UNKL: variants seen among roughly 807,000 people sequenced by gnomAD.
The protein encoded by UNKL is unk like zinc finger, also known as putative E3 ubiquitin-protein ligase UNKL.
In UNKL, 60 loss-of-function variants were observed where a neutral mutation model predicts 78.0. That is an observed-to-expected ratio of 0.77 (90% confidence interval 0.63 to 0.95). UNKL has a LOEUF of 0.95. Ranked by LOEUF, UNKL falls within the 40% of genes least tolerant of loss-of-function variation. The pLI, the probability that UNKL is intolerant of heterozygous loss-of-function variation, is 0.00. For synonymous variants in UNKL, 608 were observed against 474.8 expected (o/e 1.28, Z -3.65); for missense variants, 1,159 against 1,045.7 (o/e 1.11, Z -1.49).
chr16:1,395,615 C>A (rs1209791887), intron 6 of UNKL: 1 of 443,206 alleles, frequency 2.3e-6, no homozygotes, highest in South Asian at 1.6e-5. Context: ...GCCCCAGGAA[C>A]CTCCTGCCTC....
At position 1,365,377 on chromosome 16, in the gene UNKL, A is replaced by C. The variant is rs1381907477; in HGVS notation, c.*863T>G. ...TTGTTAGTATCAAACTGTCTTTCAGAGGGTTAAGGGAGAAAACAAAACCCA... is the reference window on the plus strand; with the variant it reads ...TTGTTAGTATCAAACTGTCTTTCAGCGGGTTAAGGGAGAAAACAAAACCCA... On this transcript the variant is annotated 3_prime_UTR_variant, in exon 15 of 15. Coordinates refer to ENST00000389221, the MANE Select transcript of UNKL (RefSeq NM_001372107.1). 1 of 152,228 alleles carries C rather than the reference A, an allele frequency of 6.6e-6. No individual in the cohort carries two copies. The highest frequency in any genetic ancestry group is 2.4e-5 in the African/African-American group (1 of 41,462). The allele number at this position is 152,228 out of a possible 1,614,324, so 9.4% of individuals were successfully genotyped here. A position where few individuals can be genotyped will look rare whatever the true frequency, so the allele number is the denominator to read the frequency against.
Position 1,370,504 on chromosome 16 carries a change from C to G in UNKL, c.1358-147G>C, listed in dbSNP as rs1567202063. 5 of 1,329,840 alleles carry G rather than the reference C, an allele frequency of 3.8e-6. 1 individual carries two copies. The highest frequency in any genetic ancestry group is 5.0e-6 in the Non-Finnish European group (5 of 1,001,168). The allele number at this position is 1,329,840 out of a possible 1,614,324, so 82.4% of individuals were successfully genotyped here. ...GGAATATAGGGGCCAGGCCAGCCACCACCATCTATGTGTTTGGAGCCACAG... is the reference window on the plus strand; with the variant it reads ...GGAATATAGGGGCCAGGCCAGCCACGACCATCTATGTGTTTGGAGCCACAG... On this transcript the variant is annotated intron_variant, in intron 11 of 14. Transcript: ENST00000389221.
Position 1,399,877 on chromosome 16 carries a change from T to A in UNKL, c.599-368A>T, listed in dbSNP as rs1004504342. On this transcript the variant is annotated intron_variant, in intron 4 of 14. Transcript: ENST00000389221. The surrounding 1 kb of genome is among the most constrained non-coding windows in gnomAD (Gnocchi z 5.8). ...AGAGAGGTGATGTGTGCACAGCTTT[T>A]GAGAATATGCTAAAATCCAGAGACA... Among the ~76,000 whole-genome samples the A allele has an allele frequency of 1.3e-5, 2 of 152,028 alleles. No homozygotes were observed. The highest frequency in any genetic ancestry group is 2.9e-5 in the Non-Finnish European group (2 of 68,012).
At chr16:1,396,473 G>A (rs1475964917) in intron 6 of UNKL, among the ~76,000 whole-genome samples, 1 of 134,242 alleles carries the variant, frequency 7.4e-6, no homozygotes, top group Non-Finnish European at 1.6e-5. Flanking sequence ...TTTTAGTACA[G>A]ACATGTTGAC....
intron 10 of UNKL, chr16:1,383,537 G>C (rs1161289752): frequency 3.0e-6 from 1 of 337,964 alleles, no homozygotes; most frequent in Non-Finnish European, 6.1e-6. Flanking sequence ...GATGGGACTG[G>C]TCTAGTGTCC....
chr16:1,366,293 C>A lies in UNKL; in HGVS notation c.2149G>T (p.Ala717Ser), dbSNP rs770268792. ...CQHHILCEPC[A>S]ATAPECPYCK... The stretch of plus-strand genomic sequence containing the variant: ...TAGGGGCACTCAGGTGCGGTGGCCG[C>A]ACACGGCTCACAGAGGATGTGGTGC... Residue 717 changes from alanine to serine, a missense_variant, in exon 15 of 15, where the codon GCG (alanine) becomes TCG (serine). By Grantham distance (99) the Ala-to-Ser change is moderately conservative (BLOSUM62 1). Coordinates refer to ENST00000389221, the MANE Select transcript of UNKL (RefSeq NM_001372107.1). 3 of 1,597,758 alleles carry A rather than the reference C, an allele frequency of 1.9e-6. No individual in the cohort carries two copies. Among genetic ancestry groups the A allele is most frequent in the South Asian group, 1.1e-5 (1 of 88,698 alleles).
At position 1,364,706 on chromosome 16, in the gene UNKL, G is replaced by C. The variant is rs932256761; in HGVS notation, c.*1534C>G. On this transcript the variant is annotated 3_prime_UTR_variant, in exon 15 of 15. Coordinates refer to ENST00000389221, the MANE Select transcript of UNKL (RefSeq NM_001372107.1). ...TCCCCCGTGTGCTCCAGGCCACTGAGAGGCTGTGGCCGGGTCCTCTCCTGT... is the reference window on the plus strand; with the variant it reads ...TCCCCCGTGTGCTCCAGGCCACTGACAGGCTGTGGCCGGGTCCTCTCCTGT... 1.3e-5 allele frequency: 2 copies of C among 152,278 alleles called. No individual in the cohort carries two copies. The highest frequency in any genetic ancestry group is 6.5e-5 in the Admixed American group (1 of 15,282). 9.4% of individuals were successfully genotyped at this position (152,278 alleles called of 1,614,324 possible).
In UNKL at chr16:1,369,611, C is replaced by T. The variant is rs183536688; in HGVS notation, c.1585+519G>A. Among the ~76,000 whole-genome samples, 146 of 152,294 alleles carry T rather than the reference C, an allele frequency of 9.6e-4. 3 individuals are homozygous for T. Among genetic ancestry groups the T allele is most frequent in the Admixed American group, 7.5e-3 (114 of 15,294 alleles). On this transcript the variant is annotated intron_variant, in intron 12 of 14. Transcript: ENST00000389221. Reference sequence around the variant, plus strand: ...CTTGAACTCCCAATCTCAGGTGATCCGCCTGCCTCAGCCTCCCAAAGTGCT... The same window carrying T: ...CTTGAACTCCCAATCTCAGGTGATCTGCCTGCCTCAGCCTCCCAAAGTGCT...
intron 10 of UNKL, among the ~76,000 whole-genome samples, chr16:1,377,735 C>G (rs1402926430): frequency 6.6e-6 from 1 of 152,160 alleles, no homozygotes; most frequent in African/African-American, 2.4e-5. Flanking sequence ...CCAGCAGGGG[C>G]CAAAGCCCTT....
At chr16:1,411,984 GA>G (rs2038061386) in intron 2 of UNKL, 1 of 152,172 alleles carries the variant, frequency 6.6e-6, no homozygotes, top group Admixed American at 6.5e-5. Context: ...TCTCCGTGCT[GA>G]AAGCAGCCTT....
chr16:1,392,868 T>C (rs1318587194), intron 8 of UNKL, 23 bp downstream of exon 8: 6 of 1,550,240 alleles, frequency 3.9e-6, no homozygotes, highest in Non-Finnish European at 5.2e-6. Flanking sequence ...CTGGGCATTG[T>C]CCTGGGAAGG....
At chr16:1,404,449 G>T (rs1027863944) in intron 2 of UNKL, among the ~76,000 whole-genome samples, 1 of 152,194 alleles carries the variant, frequency 6.6e-6, no homozygotes, top group African/African-American at 2.4e-5. Context: ...CAGAGAGGCC[G>T]ACCCAGGCTC....
At chr16:1,406,618 G>A (rs563385960) in intron 2 of UNKL, among the ~76,000 whole-genome samples, 15 of 152,202 alleles carry the variant, frequency 9.9e-5, no homozygotes, top group Non-Finnish European at 2.1e-4. Context: ...TGGACTGCAG[G>A]TATGAGCCAC....
At chr16:1,398,372 A>G in intron 5 of UNKL, 1 of 1,019,402 alleles carries the variant, frequency 9.8e-7, no homozygotes. Context: ...CTGTTGAAAA[A>G]ATAATTTTTA....
chr16:1,391,241 CACACACACACACACACA>C (rs2037037013), intron 8 of UNKL, among the ~76,000 whole-genome samples: 1 of 2,578 alleles, frequency 3.9e-4, no homozygotes, highest in Non-Finnish European at 6.9e-4. Flanking sequence ...CTTAAAGATA[CACACACACACACACACA>C]CACACACACA....
chr16:1,404,964 C>A (rs908450535), intron 2 of UNKL, among the ~76,000 whole-genome samples: 1 of 152,032 alleles, frequency 6.6e-6, no homozygotes, highest in East Asian at 1.9e-4. Flanking sequence ...GGGGCAGAGA[C>A]AGGAGGATTG....
At chr16:1,379,409 A>C in intron 10 of UNKL, 1 of 919,850 alleles carries the variant, frequency 1.1e-6, no homozygotes, top group Non-Finnish European at 1.3e-6. Flanking sequence ...CGCGCTGGGA[A>C]GCGGCGAGCG....
chr16:1,407,391 G>A (rs907615631), intron 2 of UNKL: 30 of 152,140 alleles, frequency 2.0e-4, no homozygotes, highest in Non-Finnish European at 3.4e-4. Flanking sequence ...GGTCTGTCAG[G>A]TGACACCGCC....
rs1000403513 is a variant in UNKL at position 1,379,654 on chromosome 16, G to A, written c.1264+5554C>T. The A allele has an allele frequency of 5.7e-5, 56 of 984,500 alleles. No homozygotes were observed. In the African/African-American group the frequency reaches 8.9e-4, roughly 16 times the overall value. 61.0% of individuals were successfully genotyped at this position (984,500 alleles called of 1,614,324 possible). A position where few individuals can be genotyped will look rare whatever the true frequency, so the allele number is the denominator to read the frequency against. ...CGCCAATGCTGACTCACGGTCCGCGGCCGCCCCGCGCCGCCGCCGGGGATT... is the reference window on the plus strand; with the variant it reads ...CGCCAATGCTGACTCACGGTCCGCGACCGCCCCGCGCCGCCGCCGGGGATT... On this transcript the variant is annotated intron_variant, in intron 10 of 14. Coordinates refer to ENST00000389221, the MANE Select transcript of UNKL (RefSeq NM_001372107.1).
Sources: gnomAD v4.1 joint callset for allele counts (sites outside exome capture counted in the v4.1 genomes callset) on GRCh38, gnomAD v4.1.1 for gene constraint, Gnocchi (gnomAD v3.1) non-coding constraint, MANE v1.5 for transcripts, NCBI Gene and HGNC (gene_info 2026-07-23, HGNC 2026-07-21) for gene names.